GRIP1: variants seen among roughly 807,000 people sequenced by gnomAD.
The protein encoded by GRIP1 is glutamate receptor interacting protein 1, also known as glutamate receptor-interacting protein 1.
GRIP1 carries 45 observed loss-of-function variants against 129.9 expected under a neutral mutation model. That is an observed-to-expected ratio of 0.35 (90% CI 0.27 to 0.44). The LOEUF is 0.44. GRIP1 is among the 20% of genes least tolerant of loss of function. The pLI is 1.00. For missense variants in GRIP1, 1,196 were observed against 1,396.8 expected (o/e 0.86, Z 2.29); for synonymous variants, 530 against 520.8 (o/e 1.02, Z -0.24).
chr12:67,030,942 T>A (rs2043013481), intron 1 of GRIP1, among the ~76,000 whole-genome samples: 1 of 152,096 alleles, frequency 6.6e-6, no homozygotes, highest in South Asian at 2.1e-4. Flanking sequence ...TTAGCTGTTT[T>A]CTTAAGCCCA....
At chr12:66,681,667 G>C (rs1469233252), upstream of GRIP1, among the ~76,000 whole-genome samples, 1 of 152,104 alleles carries the variant, frequency 6.6e-6, no homozygotes, top group African/African-American at 2.4e-5. Flanking sequence ...AGGGGTTATG[G>C]AAAAAGAAGG....
intron 1 of GRIP1, among the ~76,000 whole-genome samples, chr12:66,791,962 C>A (rs2038551053): frequency 6.6e-6 from 1 of 152,106 alleles, no homozygotes; most frequent in Non-Finnish European, 1.5e-5. Flanking sequence ...ACAATGTTCT[C>A]ACATGTGGGG....
intron 3 of GRIP1, among the ~76,000 whole-genome samples, chr12:66,541,308 A>T (rs576676102): frequency 2.0e-5 from 3 of 152,254 alleles, no homozygotes; most frequent in African/African-American, 7.2e-5. Context: ...TCGGAAACCA[A>T]CTCTTTAAAA....
At chr12:66,781,007 AC>A (rs1340115697) in intron 1 of GRIP1, among the ~76,000 whole-genome samples, 1 of 152,114 alleles carries the variant, frequency 6.6e-6, no homozygotes. Context: ...TGAATCCCTG[AC>A]CCATAAAGGC....
At chr12:66,478,034 T>C (rs1449443390) in intron 7 of GRIP1, among the ~76,000 whole-genome samples, 17 of 152,234 alleles carry the variant, frequency 1.1e-4, no homozygotes, top group Admixed American at 1.1e-3. Flanking sequence ...AAATGGGATC[T>C]AATTTAACTA....
intron 19 of GRIP1, among the ~76,000 whole-genome samples, chr12:66,385,212 AAAT>A (rs2137439127): frequency 6.6e-6 from 1 of 152,328 alleles, no homozygotes; most frequent in Non-Finnish European, 1.5e-5. Flanking sequence ...TTGAAAAAAG[AAAT>A]AATGTTTTTT....
At chr12:66,465,601 A>G (rs2059264370) in intron 7 of GRIP1, among the ~76,000 whole-genome samples, 179 bp from the exon 8 acceptor site, 1 of 152,186 alleles carries the variant, frequency 6.6e-6, no homozygotes, top group South Asian at 2.1e-4. Context: ...ACCTCTTAAC[A>G]CACCTGTTCC....
At chr12:66,619,608 A>T (rs902710514) in intron 1 of GRIP1, among the ~76,000 whole-genome samples, 3 of 152,204 alleles carry the variant, frequency 2.0e-5, no homozygotes, top group Non-Finnish European at 4.4e-5. Flanking sequence ...GAACATGGAA[A>T]TAAAATCAAT....
intron 1 of GRIP1, among the ~76,000 whole-genome samples, chr12:66,663,264 T>C (rs74098225): frequency 6.6e-6 from 1 of 152,304 alleles, no homozygotes; most frequent in African/African-American, 2.4e-5. Context: ...TTCTCTAATA[T>C]ATAAATAAAA....
chr12:66,723,726 TA>T (rs1051650175), intron 1 of GRIP1, among the ~76,000 whole-genome samples: 1 of 152,080 alleles, frequency 6.6e-6, no homozygotes, highest in African/African-American at 2.4e-5. Flanking sequence ...TATCTACATG[TA>T]AAACAGTATG....
intron 1 of GRIP1, among the ~76,000 whole-genome samples, chr12:66,884,438 T>C (rs907408729): frequency 6.6e-6 from 1 of 152,150 alleles, no homozygotes; most frequent in African/African-American, 2.4e-5. Context: ...TTAGGATAAA[T>C]GATACATTTA....
intron 7 of GRIP1, among the ~76,000 whole-genome samples, chr12:66,482,240 T>C (rs1258407318): frequency 6.6e-6 from 1 of 152,134 alleles, no homozygotes; most frequent in African/African-American, 2.4e-5. Context: ...TGTTACCAAA[T>C]AACTACAACA....
rs2041176030 is a variant in GRIP1 at position 66,919,316 on chromosome 12, A to G, written c.58+149734T>C. Reference sequence around the variant, plus strand: ...TTAGCAACTGGCAGTTTGCTTGGTGAGAACAGAACAGAGCTAAGATTATTA... The same window carrying G: ...TTAGCAACTGGCAGTTTGCTTGGTGGGAACAGAACAGAGCTAAGATTATTA... On this transcript the variant is annotated intron_variant, in intron 1 of 1. Transcript: ENST00000643019. 3.3e-5 allele frequency among the ~76,000 whole-genome samples: 5 copies of G among 152,310 alleles called. No individual in the cohort carries two copies. The South Asian group carries it at 1.0e-3, about 32-fold the overall frequency.
chr12:66,394,898 C>G (rs2056732517), intron 16 of GRIP1, among the ~76,000 whole-genome samples: 1 of 152,158 alleles, frequency 6.6e-6, no homozygotes, highest in African/African-American at 2.4e-5. Flanking sequence ...AAGACAACAG[C>G]AAGAAATCTA....
chr12:66,648,456 C>T (rs185069018), intron 1 of GRIP1, among the ~76,000 whole-genome samples: 24 of 152,220 alleles, frequency 1.6e-4, no homozygotes, highest in Admixed American at 2.0e-4. Context: ...TCCCAGCTTA[C>T]GGCAGTTGTT....
intron 1 of GRIP1, among the ~76,000 whole-genome samples, chr12:66,749,894 A>C (rs2037071614): frequency 6.6e-6 from 1 of 152,168 alleles, no homozygotes; most frequent in African/African-American, 2.4e-5. Context: ...ACAGAGAGAG[A>C]AATAAATTTC....
chr12:66,743,243 T>C (rs574520675), intron 1 of GRIP1, among the ~76,000 whole-genome samples: 3 of 152,220 alleles, frequency 2.0e-5, no homozygotes, highest in East Asian at 1.9e-4. Flanking sequence ...TGTAGGTTAC[T>C]AGTAGGTATA....
At chr12:66,937,673 G>A (rs1433117810) in intron 1 of GRIP1, among the ~76,000 whole-genome samples, 2 of 152,152 alleles carry the variant, frequency 1.3e-5, no homozygotes, top group African/African-American at 4.8e-5. Context: ...ATTTTAGAGT[G>A]GAGATGATAT....
At chr12:66,740,308 C>A (rs2036748278) in intron 1 of GRIP1, among the ~76,000 whole-genome samples, 2 of 152,136 alleles carry the variant, frequency 1.3e-5, no homozygotes, top group Non-Finnish European at 2.9e-5. Flanking sequence ...CTGGATCTGG[C>A]CATCTGAATT....
Sources: gnomAD v4.1 joint callset for allele counts (sites outside exome capture counted in the v4.1 genomes callset) on GRCh38, gnomAD v4.1.1 for gene constraint, MANE v1.5 for transcripts, NCBI Gene and HGNC (gene_info 2026-07-23, HGNC 2026-07-21) for gene names.